Variants in SAMMSON observed in about 807,000 individuals in gnomAD.
The protein encoded by SAMMSON is survival associated mitochondrial melanoma specific oncogenic non-coding RNA, also known as long intergenic non-protein coding RNA 1212.
intron 3 of SAMMSON, among the ~76,000 whole-genome samples, chr3:70,035,967 A>G (rs1433298806): frequency 6.6e-6 from 1 of 152,220 alleles, no homozygotes; most frequent in African/African-American, 2.4e-5. Context: ...GGAAAACAAT[A>G]TATCAAAAAT....
intron 7 of SAMMSON, among the ~76,000 whole-genome samples, chr3:70,327,229 A>G (rs2106720577): frequency 6.6e-6 from 1 of 152,340 alleles, no homozygotes; most frequent in African/African-American, 2.4e-5. Context: ...GCTTCTAGAC[A>G]CAATGGAGTA....
intron 2 of SAMMSON, among the ~76,000 whole-genome samples, chr3:70,399,965 T>C (rs1459712383): frequency 6.6e-6 from 1 of 151,982 alleles, no homozygotes; most frequent in African/African-American, 2.4e-5. Context: ...TGCATGCAGC[T>C]CTAATATGGG....
chr3:70,314,341 AATT>A (rs530262263), intron 7 of SAMMSON, among the ~76,000 whole-genome samples: 143 of 152,306 alleles, frequency 9.4e-4, no homozygotes, highest in African/African-American at 3.3e-3. Context: ...GAATACATAT[AATT>A]ACCAAATTCC....
intron 6 of SAMMSON, among the ~76,000 whole-genome samples, chr3:70,279,662 G>C (rs568331400): frequency 4.6e-5 from 7 of 152,298 alleles, no homozygotes; most frequent in Admixed American, 2.6e-4. Context: ...GCATTAAGCA[G>C]CTCCTCCATT....
At chr3:70,334,697 ACTCC>A (rs1229448080) in intron 7 of SAMMSON, among the ~76,000 whole-genome samples, 5 of 151,870 alleles carry the variant, frequency 3.3e-5, no homozygotes, top group African/African-American at 1.2e-4. Context: ...GCTAAATATG[ACTCC>A]CTCATTTTTA....
chr3:70,364,640 G>T (rs992520854), intron 9 of SAMMSON, among the ~76,000 whole-genome samples: 2 of 151,778 alleles, frequency 1.3e-5, no homozygotes, highest in African/African-American at 4.8e-5. Flanking sequence ...CTTCTTTTAA[G>T]GAAGTTCAAG....
At chr3:70,339,063 A>G (rs955816907) in intron 7 of SAMMSON, among the ~76,000 whole-genome samples, 1 of 152,142 alleles carries the variant, frequency 6.6e-6, no homozygotes, top group Non-Finnish European at 1.5e-5. Flanking sequence ...GATATAGACC[A>G]ATGGAACAGA....
intron 4 of SAMMSON, among the ~76,000 whole-genome samples, chr3:70,242,778 A>G (rs554163146): frequency 1.3e-5 from 2 of 152,288 alleles, no homozygotes; most frequent in African/African-American, 4.8e-5. Flanking sequence ...TTATTGTGTC[A>G]GAGCTTGGAA....
intron 4 of SAMMSON, among the ~76,000 whole-genome samples, chr3:70,121,987 A>T (rs1368743281): frequency 1.3e-5 from 2 of 152,132 alleles, no homozygotes; most frequent in Non-Finnish European, 2.9e-5. Context: ...ACCACCATTG[A>T]CCAGGGTCTC....
chr3:70,018,045 C>G (rs1035824716), intron 3 of SAMMSON, among the ~76,000 whole-genome samples: 7 of 152,130 alleles, frequency 4.6e-5, no homozygotes, highest in Admixed American at 2.6e-4. Flanking sequence ...CTAAAATTCT[C>G]TTTTTTTGTT....
At chr3:70,253,864 A>C (rs1385665895) in intron 6 of SAMMSON, among the ~76,000 whole-genome samples, 1 of 152,228 alleles carries the variant, frequency 6.6e-6, no homozygotes, top group Non-Finnish European at 1.5e-5. Context: ...AAGTGAAAAA[A>C]ATTCTGTTCC....
At position 70,158,859 on chromosome 3, in the gene SAMMSON, G is replaced by C. The variant is rs188190005; in HGVS notation, n.507+87294G>C. Among the ~76,000 whole-genome samples, 248 of 152,046 alleles carry C rather than the reference G, an allele frequency of 1.6e-3. 3 individuals are homozygous for C. The highest frequency in any genetic ancestry group is 5.7e-3 in the African/African-American group (237 of 41,530). ...ACCAAATTTATACTTTTGTATTAGT[G>C]TATTTTTAATATCAAAGCTCAATAT... On this transcript the variant is annotated intron_variant and non_coding_transcript_variant, in intron 4 of 9. Transcript: ENST00000642114.
At chr3:70,138,356 C>G (rs997254254) in intron 4 of SAMMSON, among the ~76,000 whole-genome samples, 1 of 152,096 alleles carries the variant, frequency 6.6e-6, no homozygotes, top group Admixed American at 6.6e-5. Context: ...CTGGGAAGTC[C>G]AAGATCAAGG....
chr3:70,423,632 A>G (rs1396941490), intron 2 of SAMMSON, among the ~76,000 whole-genome samples: 1 of 152,170 alleles, frequency 6.6e-6, no homozygotes, highest in Non-Finnish European at 1.5e-5. Context: ...GTTTATTTTT[A>G]CATTAAGTAA....
chr3:70,070,058 C>T (rs967876788), intron 3 of SAMMSON: 6 of 151,910 alleles, frequency 3.9e-5, no homozygotes, highest in Non-Finnish European at 8.8e-5. Flanking sequence ...GAATCTATTC[C>T]ATTCCTCGGA....
At chr3:70,420,868 G>A (rs1031113108) in intron 2 of SAMMSON, among the ~76,000 whole-genome samples, 2 of 152,258 alleles carry the variant, frequency 1.3e-5, no homozygotes, top group African/African-American at 2.4e-5. Context: ...TCATAAATTC[G>A]AAAGTGTAGA....
intron 4 of SAMMSON, among the ~76,000 whole-genome samples, chr3:70,181,195 T>G (rs80023260): frequency 0.15 from 22,287 of 152,180 alleles, 2,206 homozygotes; most frequent in African/African-American, 0.28. Context: ...TGGCCAAGTT[T>G]ATTGCGTGAA....
At chr3:70,348,200 A>G (rs1702766690) in intron 7 of SAMMSON, among the ~76,000 whole-genome samples, 1 of 152,204 alleles carries the variant, frequency 6.6e-6, no homozygotes. Context: ...CCTCATTGAT[A>G]GGATAACACT....
intron 3 of SAMMSON, among the ~76,000 whole-genome samples, chr3:70,036,085 A>G (rs1191014270): frequency 1.3e-5 from 2 of 152,168 alleles, no homozygotes; most frequent in Non-Finnish European, 1.5e-5. Context: ...TTTAAGCTAA[A>G]TGATGATTTT....
Sources: gnomAD v4.1 joint callset for allele counts (sites outside exome capture counted in the v4.1 genomes callset) on GRCh38, gnomAD v4.1.1 for gene constraint, MANE v1.5 for transcripts, NCBI Gene and HGNC (gene_info 2026-07-23, HGNC 2026-07-21) for gene names.